ADAMTSL1: variants seen among roughly 807,000 people sequenced by gnomAD.
The protein encoded by ADAMTSL1 is ADAMTS-like protein 1.
A neutral mutation model predicts 201.8 loss-of-function variants in ADAMTSL1; 126 were observed. That is an observed-to-expected ratio of 0.62 (90% confidence interval 0.54 to 0.72). The LOEUF is 0.72. Ranked by LOEUF, ADAMTSL1 falls within the 30% of genes least tolerant of loss-of-function variation. The pLI is 0.00. For missense variants in ADAMTSL1, 2,679 were observed against 2,277.8 expected (o/e 1.18, Z -3.59); for synonymous variants, 1,121 against 903.4 (o/e 1.24, Z -4.32).
intron 5 of ADAMTSL1, among the ~76,000 whole-genome samples, chr9:18,632,330 C>A (rs1826835441): frequency 1.3e-5 from 2 of 152,136 alleles, no homozygotes; most frequent in Non-Finnish European, 2.9e-5. Flanking sequence ...ATTGTTTTCC[C>A]TATTTTGTTT....
chr9:18,127,309 G>C (rs1825771101), intron 1 of ADAMTSL1, among the ~76,000 whole-genome samples: 1 of 152,158 alleles, frequency 6.6e-6, no homozygotes, highest in Admixed American at 6.5e-5. Flanking sequence ...GGATTACACT[G>C]TACTAGATCC....
intron 3 of ADAMTSL1, among the ~76,000 whole-genome samples, chr9:18,573,671 A>G (rs926278606): frequency 6.6e-6 from 1 of 152,212 alleles, no homozygotes; most frequent in African/African-American, 2.4e-5. Context: ...CTCTGACTTT[A>G]CTAGGTTCTA....
intron 1 of ADAMTSL1, among the ~76,000 whole-genome samples, chr9:18,144,316 C>T (rs535837218): frequency 6.6e-6 from 1 of 152,202 alleles, no homozygotes; most frequent in African/African-American, 2.4e-5. Context: ...AGCGATTACT[C>T]TGCCTCAGCT....
At chr9:18,641,475 C>A (rs940939780) in intron 7 of ADAMTSL1, among the ~76,000 whole-genome samples, 3 of 152,062 alleles carry the variant, frequency 2.0e-5, no homozygotes, top group Admixed American at 6.6e-5. Flanking sequence ...TGAGTTCACA[C>A]TGATGGGAAG....
chr9:18,656,831 A>G (rs911250600), intron 7 of ADAMTSL1, among the ~76,000 whole-genome samples: 1 of 152,084 alleles, frequency 6.6e-6, no homozygotes, highest in Non-Finnish European at 1.5e-5. Context: ...TTCTGTCTTC[A>G]TGAAATTGTT....
At chr9:18,737,890 G>C (rs1818610270) in intron 15 of ADAMTSL1, among the ~76,000 whole-genome samples, 1 of 152,170 alleles carries the variant, frequency 6.6e-6, no homozygotes, top group South Asian at 2.1e-4. Context: ...GTAGTATCTA[G>C]AGCCAGACTT....
At chr9:18,512,973 G>T (rs1291006618) in intron 2 of ADAMTSL1, among the ~76,000 whole-genome samples, 1 of 152,124 alleles carries the variant, frequency 6.6e-6, no homozygotes, top group Non-Finnish European at 1.5e-5. Flanking sequence ...AAAAGAATTG[G>T]GAACCTAATC....
chr9:18,140,874 C>T (rs1051891264), intron 1 of ADAMTSL1, among the ~76,000 whole-genome samples: 1 of 152,170 alleles, frequency 6.6e-6, no homozygotes, highest in Admixed American at 6.5e-5. Flanking sequence ...TGTGACAGAG[C>T]TGTCCAAAAT....
intron 2 of ADAMTSL1, among the ~76,000 whole-genome samples, chr9:18,469,098 CT>C (rs1419249949): frequency 4.6e-5 from 7 of 152,192 alleles, no homozygotes; most frequent in Non-Finnish European, 7.3e-5. Flanking sequence ...GCTGTAAAGC[CT>C]TTCCTTAGTT....
intron 1 of ADAMTSL1, among the ~76,000 whole-genome samples, chr9:18,106,048 C>T (rs540618270): frequency 6.6e-6 from 1 of 152,174 alleles, no homozygotes; most frequent in Non-Finnish European, 1.5e-5. Flanking sequence ...TGACTCTCAT[C>T]ACCTCCTTTC....
chr9:18,646,722 G>T (rs1461951089), intron 7 of ADAMTSL1, among the ~76,000 whole-genome samples: 1 of 152,108 alleles, frequency 6.6e-6, no homozygotes, highest in Non-Finnish European at 1.5e-5. Context: ...AACCAGCCTT[G>T]CATCCCAAGG....
intron 1 of ADAMTSL1, among the ~76,000 whole-genome samples, chr9:17,917,598 T>C (rs553794528): frequency 3.3e-5 from 5 of 152,054 alleles, no homozygotes; most frequent in Non-Finnish European, 5.9e-5. Context: ...TACTAAATTT[T>C]GTTTAGAATT....
At chr9:18,524,837 G>T (rs965876175) in intron 2 of ADAMTSL1, among the ~76,000 whole-genome samples, 2 of 152,188 alleles carry the variant, frequency 1.3e-5, no homozygotes, top group Admixed American at 6.5e-5. Flanking sequence ...GCTGGATTCG[G>T]TTTGCCAGTA....
intron 13 of ADAMTSL1, among the ~76,000 whole-genome samples, chr9:18,703,463 A>G (rs187260957): frequency 2.0e-4 from 30 of 152,178 alleles, no homozygotes; most frequent in South Asian, 1.0e-3. Flanking sequence ...TATACACTGT[A>G]TGCACTAGAG....
At chr9:18,043,183 A>G (rs565662044) in intron 1 of ADAMTSL1, among the ~76,000 whole-genome samples, 1 of 152,224 alleles carries the variant, frequency 6.6e-6, no homozygotes, top group East Asian at 1.9e-4. Flanking sequence ...TGAGGACTGC[A>G]ATATCTGAAT....
chr9:18,714,313 TG>T, intron 14 of ADAMTSL1, among the ~76,000 whole-genome samples: 1 of 151,892 alleles, frequency 6.6e-6, no homozygotes, highest in East Asian at 1.9e-4. Flanking sequence ...ATCCAGGAGC[TG>T]GTTTTTTGAA....
At chr9:18,629,321 T>G (rs537485714) in intron 5 of ADAMTSL1, among the ~76,000 whole-genome samples, 8 of 152,188 alleles carry the variant, frequency 5.3e-5, no homozygotes, top group Non-Finnish European at 7.3e-5. Context: ...CTTATCTTAT[T>G]CCTAATCTTA....
intron 1 of ADAMTSL1, among the ~76,000 whole-genome samples, chr9:18,066,980 A>T (rs1344748263): frequency 6.6e-6 from 1 of 152,026 alleles, no homozygotes; most frequent in African/African-American, 2.4e-5. Context: ...CACTCTGGGG[A>T]CTGTTGTGGG....
At chr9:18,157,612 T>G (rs1463786731) in intron 1 of ADAMTSL1, among the ~76,000 whole-genome samples, 1 of 152,058 alleles carries the variant, frequency 6.6e-6, no homozygotes, top group African/African-American at 2.4e-5. Context: ...CAGCATGTTC[T>G]ATCTCACTTC....
Sources: gnomAD v4.1 joint callset for allele counts (sites outside exome capture counted in the v4.1 genomes callset) on GRCh38, gnomAD v4.1.1 for gene constraint, MANE v1.5 for transcripts, NCBI Gene and HGNC (gene_info 2026-07-23, HGNC 2026-07-21) for gene names.